Variants in CDH12 observed in about 807,000 individuals in gnomAD.
CDH12 encodes cadherin 12, also known as cadherin-12.
In CDH12, 41 loss-of-function variants were observed where a neutral mutation model predicts 74.1. That is an observed-to-expected ratio of 0.55 (90% CI 0.43 to 0.72). The LOEUF (loss-of-function observed/expected upper bound fraction) is 0.72. CDH12 is among the 30% of genes least tolerant of loss of function. CDH12 has a pLI of 0.00. For synonymous variants in CDH12, 399 were observed against 355.0 expected (o/e 1.12, Z -1.39); for missense variants, 945 against 977.2 (o/e 0.97, Z 0.44).
rs138730339 is a variant in CDH12 at position 21,784,456 on chromosome 5, T to C, written c.1257-962A>G. On this transcript the variant is annotated intron_variant, in intron 10 of 14. Transcript: ENST00000382254. ...AAGCATAGAGACATGAAGGAATTTG[T>C]CCAAATTAACATAGTTAGAAAATTT... 1.3e-3 allele frequency among the ~76,000 whole-genome samples: 199 copies of C among 152,260 alleles called. 1 individual carries two copies. Among genetic ancestry groups the C allele is most frequent in the Admixed American group, 3.9e-3 (59 of 15,264 alleles).
intron 1 of CDH12, among the ~76,000 whole-genome samples, chr5:22,723,392 C>A (rs1411103059): frequency 2.6e-5 from 4 of 151,952 alleles, no homozygotes; most frequent in African/African-American, 9.7e-5. Flanking sequence ...CTGTAATGTG[C>A]CCAATGTAAC....
intron 1 of CDH12, among the ~76,000 whole-genome samples, chr5:22,687,695 G>A (rs778969224): frequency 2.3e-4 from 35 of 152,282 alleles, no homozygotes; most frequent in Admixed American, 9.2e-4. Flanking sequence ...GATTACAGGC[G>A]TGAGCCACTG....
At chr5:22,442,664 T>C in intron 2 of CDH12, among the ~76,000 whole-genome samples, 1 of 152,118 alleles carries the variant, frequency 6.6e-6, no homozygotes, top group Admixed American at 6.6e-5. Flanking sequence ...GATCAGCTGA[T>C]TCATCCACAG....
At chr5:22,487,001 A>G (rs1580698367) in intron 2 of CDH12, among the ~76,000 whole-genome samples, 1 of 151,472 alleles carries the variant, frequency 6.6e-6, no homozygotes. Flanking sequence ...GTGTTTGATT[A>G]AGATTAAATG....
chr5:22,081,142 T>G (rs1742697578), intron 4 of CDH12, among the ~76,000 whole-genome samples: 1 of 152,156 alleles, frequency 6.6e-6, no homozygotes. Context: ...CACATTTACA[T>G]TTTGAATTAT....
chr5:22,677,786 C>G (rs1741277585), intron 1 of CDH12, among the ~76,000 whole-genome samples: 1 of 152,084 alleles, frequency 6.6e-6, no homozygotes, highest in Non-Finnish European at 1.5e-5. Flanking sequence ...GTTTGGGATG[C>G]CCACAATTCC....
chr5:22,339,369 ATATACT>A (rs1202639651), intron 3 of CDH12, among the ~76,000 whole-genome samples: 5 of 152,214 alleles, frequency 3.3e-5, no homozygotes, highest in African/African-American at 1.2e-4. Context: ...CAAGGAGGTA[ATATACT>A]TATATCATGG....
intron 3 of CDH12, among the ~76,000 whole-genome samples, chr5:22,368,502 C>T (rs986292878): frequency 5.4e-5 from 8 of 146,936 alleles, no homozygotes; most frequent in Admixed American, 2.8e-4. Flanking sequence ...CAGGGTTTCA[C>T]CATGTTTCTC....
At chr5:22,570,061 T>G (rs559625362) in intron 1 of CDH12, among the ~76,000 whole-genome samples, 2 of 152,018 alleles carry the variant, frequency 1.3e-5, no homozygotes, top group South Asian at 2.1e-4. Context: ...ATTTATTTAT[T>G]TATTTATTTA....
chr5:22,418,945 G>T (rs1251820763), intron 2 of CDH12, among the ~76,000 whole-genome samples: 1 of 152,162 alleles, frequency 6.6e-6, no homozygotes, highest in East Asian at 1.9e-4. Flanking sequence ...TGTTCCATCA[G>T]TACCTAGTTT....
intron 2 of CDH12, among the ~76,000 whole-genome samples, chr5:22,504,194 A>C (rs2126660933): frequency 6.6e-6 from 1 of 152,122 alleles, no homozygotes; most frequent in African/African-American, 2.4e-5. Flanking sequence ...GGAATTATTA[A>C]TAGTTGAGAT....
intron 1 of CDH12, among the ~76,000 whole-genome samples, chr5:22,660,274 C>T (rs12109926): frequency 6.6e-6 from 1 of 151,946 alleles, no homozygotes; most frequent in African/African-American, 2.4e-5. Context: ...CAAGGTTACT[C>T]TAACTACAAC....
intron 3 of CDH12, among the ~76,000 whole-genome samples, chr5:22,250,119 G>A (rs1412000167): frequency 6.6e-6 from 1 of 152,038 alleles, no homozygotes; most frequent in Admixed American, 6.6e-5. Context: ...ATGAGAAAGT[G>A]CAGAGAGTTT....
chr5:22,171,786 T>C (rs1749045047), intron 4 of CDH12, among the ~76,000 whole-genome samples: 1 of 151,920 alleles, frequency 6.6e-6, no homozygotes, highest in South Asian at 2.1e-4. Flanking sequence ...ATTTGTATTG[T>C]GTTTATCCCT....
intron 4 of CDH12, among the ~76,000 whole-genome samples, chr5:22,093,970 T>C (rs1743590424): frequency 6.6e-6 from 1 of 152,176 alleles, no homozygotes; most frequent in Non-Finnish European, 1.5e-5. Context: ...TTATGGCTCA[T>C]ATTTGAGAGT....
intron 1 of CDH12, among the ~76,000 whole-genome samples, chr5:22,611,542 C>T (rs1156970590): frequency 6.6e-6 from 1 of 151,986 alleles, no homozygotes; most frequent in African/African-American, 2.4e-5. Context: ...AATGCAGTAC[C>T]CCTGGGCTAT....
chr5:21,920,012 C>T (rs1484932354), intron 6 of CDH12, among the ~76,000 whole-genome samples: 1 of 152,012 alleles, frequency 6.6e-6, no homozygotes, highest in Non-Finnish European at 1.5e-5. Context: ...ATATAAATTA[C>T]TCATTTTACT....
At chr5:21,867,269 G>A (rs1751379587) in intron 6 of CDH12, among the ~76,000 whole-genome samples, 2 of 152,082 alleles carry the variant, frequency 1.3e-5, no homozygotes, top group African/African-American at 4.8e-5. Context: ...GCAAGAGAAT[G>A]GCTTGAACCC....
chr5:21,976,658 T>C (rs12109490), intron 5 of CDH12, among the ~76,000 whole-genome samples: 38,744 of 151,626 alleles, frequency 0.26, 7,365 homozygotes, highest in African/African-American at 0.53. Flanking sequence ...TTGATTTCAG[T>C]ATCCAAATTT....
Sources: allele counts gnomAD v4.1 joint callset (sites outside exome capture counted in the v4.1 genomes callset), GRCh38; gene constraint gnomAD v4.1.1; transcripts MANE v1.5; gene names NCBI Gene and HGNC (gene_info 2026-07-23, HGNC 2026-07-21).